Variants in MS4A10 observed in about 807,000 individuals in gnomAD.
The protein encoded by MS4A10 is membrane spanning 4-domains A10, also known as membrane-spanning 4-domains subfamily A member 10.
A neutral mutation model predicts 27.7 loss-of-function variants in MS4A10; 27 were observed. The ratio of observed to expected loss-of-function variants is 0.98; its 90% CI spans 0.72 to 1.35. The LOEUF is 1.35. MS4A10 is among the 40% of genes most tolerant of loss of function. MS4A10 has a pLI of 0.00. For missense variants in MS4A10, 338 were observed against 324.7 expected (o/e 1.04, Z -0.32); for synonymous variants, 139 against 131.2 (o/e 1.06, Z -0.41).
chr11:60,786,545 A>G (rs890406235), intron 1 of MS4A10, among the ~76,000 whole-genome samples: 1 of 151,884 alleles, frequency 6.6e-6, no homozygotes, highest in Admixed American at 6.6e-5. Flanking sequence ...ACTCCAGATG[A>G]TAGGGACAGG....
chr11:60,785,713 C>A (rs1854323945), intron 1 of MS4A10, among the ~76,000 whole-genome samples: 1 of 152,134 alleles, frequency 6.6e-6, no homozygotes, highest in Non-Finnish European at 1.5e-5. Context: ...CTCTCCCCTG[C>A]GGAGCCCCAT....
At chr11:60,790,781 A>T (rs10897114) in intron 2 of MS4A10, among the ~76,000 whole-genome samples, 193 bp from the exon 3 acceptor site, 15,959 of 152,154 alleles carry the variant, frequency 0.1, 2,086 homozygotes, top group East Asian at 0.68. Context: ...GCTCCCACCC[A>T]TGGGGCCCTT....
chr11:60,787,777 G>A (rs1002755652), intron 1 of MS4A10, among the ~76,000 whole-genome samples: 7 of 152,076 alleles, frequency 4.6e-5, no homozygotes, highest in Admixed American at 2.0e-4. Context: ...TAGCACTTTC[G>A]GAGGCCAAGG....
intron 1 of MS4A10, among the ~76,000 whole-genome samples, chr11:60,787,191 C>T (rs753343083): frequency 2.1e-5 from 3 of 142,674 alleles, no homozygotes; most frequent in East Asian, 2.4e-4. Context: ...TGGCTGGGTC[C>T]GTGGTCCTGA....
chr11:60,795,600 C>G lies in MS4A10; in HGVS notation c.538C>G (p.Leu180Val). 1 of 1,595,560 alleles carries G rather than the reference C, an allele frequency of 6.3e-7. No homozygotes were observed. The highest frequency in any genetic ancestry group is 8.5e-7 in the Non-Finnish European group (1 of 1,170,706). The change falls in exon 6 of 8, where the codon CTA becomes GTA. Residue 180 changes from leucine (L) to valine (V), a missense_variant. Physicochemically the swap from Leu to Val is conservative, Grantham distance 32. Transcript: ENST00000308287. Reference sequence around the variant, plus strand: ...GCTGGCCTTGCTCTGCTTCACTGTCCTAGAGCTCTTCCTGCCAGTGCCCAC... The same window carrying G: ...GCTGGCCTTGCTCTGCTTCACTGTCGTAGAGCTCTTCCTGCCAGTGCCCAC... ...LELALLCFTV[L>V]ELFLPVPTAV...
In MS4A10 at chr11:60,792,255, T is replaced by C; in HGVS notation, c.304-10T>C. The C allele has an allele frequency of 6.2e-7, 1 of 1,612,900 alleles. No homozygotes were observed. The highest frequency in any genetic ancestry group is 8.5e-7 in the Non-Finnish European group (1 of 1,178,886). On this transcript the variant is annotated splice_polypyrimidine_tract_variant and intron_variant, in intron 3 of 7. Transcript: ENST00000308287. ...GCTTCTCTCCTTTGACTTTCAAATC[T>C]GTCCTGCAGTTTCTCATTTCAGGGA...
At chr11:60,798,149 C>G (rs564726982) in intron 6 of MS4A10, among the ~76,000 whole-genome samples, 1 of 152,230 alleles carries the variant, frequency 6.6e-6, no homozygotes, top group Non-Finnish European at 1.5e-5. Context: ...ACACTGGTAG[C>G]GGGACGGGAA....
intron 2 of MS4A10, 74 bp from the exon 3 acceptor site, chr11:60,790,900 C>A: frequency 6.3e-7 from 1 of 1,587,552 alleles, no homozygotes; most frequent in South Asian, 1.2e-5. Flanking sequence ...GCCAGTAGGT[C>A]CAGGGCACTA....
chr11:60,786,830 T>G (rs552060385), intron 1 of MS4A10, among the ~76,000 whole-genome samples: 1 of 152,310 alleles, frequency 6.6e-6, no homozygotes, highest in South Asian at 2.1e-4. Context: ...TTTCAGCTAC[T>G]CCTCACCACC....
At chr11:60,796,959 CA>C (rs2134756773) in intron 6 of MS4A10, among the ~76,000 whole-genome samples, 1 of 152,132 alleles carries the variant, frequency 6.6e-6, no homozygotes, top group East Asian at 1.9e-4. Context: ...AAAAAAGTGC[CA>C]AATCCCCCAT....
chr11:60,800,020 T>C lies in MS4A10; in HGVS notation c.*111T>C. On this transcript the variant is annotated 3_prime_UTR_variant, in exon 8 of 8. Transcript: ENST00000308287. ...TTGCACATACAAAAGGCTAGAGCGATGGTCTATACAGCAAAGTCAGCCCTC... is the reference window on the plus strand; with the variant it reads ...TTGCACATACAAAAGGCTAGAGCGACGGTCTATACAGCAAAGTCAGCCCTC... 2 of 1,549,728 alleles carry C rather than the reference T, an allele frequency of 1.3e-6. No individual in the cohort carries two copies. The highest frequency in any genetic ancestry group is 2.3e-5 in the East Asian group (1 of 44,026).
Position 60,795,620 on chromosome 11 carries a change from G to A in MS4A10, c.558G>A (p.Val186=). 1 of 1,595,270 alleles carries A rather than the reference G, an allele frequency of 6.3e-7. No individual in the cohort carries two copies. The highest frequency in any genetic ancestry group is 8.5e-7 in the Non-Finnish European group (1 of 1,170,648). ...CTGTCCTAGAGCTCTTCCTGCCAGT[G>A]CCCACAGCTGTCACAGCCTGGAGAG... ...CFTVLELFLP[V]PTAVTAWRGD... Residue 186 remains valine (V), a synonymous_variant, in exon 6 of 8, where the codon GTG becomes GTA. Transcript: ENST00000308287.
intron 3 of MS4A10, 66 bp downstream of exon 3, chr11:60,791,159 A>ATT: frequency 6.3e-7 from 1 of 1,595,708 alleles, no homozygotes; most frequent in African/African-American, 1.3e-5. Context: ...AGGCCCTGGC[A>ATT]TTTGGGACAG....
chr11:60,795,794 G>A (rs958597846), intron 6 of MS4A10, 129 bp downstream of exon 6: 16 of 530,904 alleles, frequency 3.0e-5, no homozygotes, highest in Admixed American at 2.6e-4. Flanking sequence ...GTTGCTGAGC[G>A]TTCACTAAGT....
intron 4 of MS4A10, among the ~76,000 whole-genome samples, chr11:60,793,264 C>T (rs1478174686): frequency 6.6e-6 from 1 of 152,298 alleles, no homozygotes; most frequent in East Asian, 1.9e-4. Flanking sequence ...GTGCCCATTC[C>T]CCAGACCTCA....
chr11:60,786,846 C>A (rs958473660), intron 1 of MS4A10, among the ~76,000 whole-genome samples: 2 of 152,184 alleles, frequency 1.3e-5, no homozygotes, highest in East Asian at 3.9e-4. Flanking sequence ...CCACCTACCC[C>A]CTAGGGACAG....
chr11:60,787,671 C>T (rs1854362734), intron 1 of MS4A10, among the ~76,000 whole-genome samples: 1 of 152,110 alleles, frequency 6.6e-6, no homozygotes, highest in East Asian at 1.9e-4. Flanking sequence ...TGCCCAAAAG[C>T]AGACCCCACA....
At chr11:60,788,905 C>T (rs141152149) in intron 1 of MS4A10, among the ~76,000 whole-genome samples, 8 of 152,266 alleles carry the variant, frequency 5.3e-5, no homozygotes, top group South Asian at 4.1e-4. Flanking sequence ...CCTTGGTTTC[C>T]TCTTCTATGC....
At chr11:60,787,897 A>G (rs1250704657) in intron 1 of MS4A10, among the ~76,000 whole-genome samples, 1 of 152,022 alleles carries the variant, frequency 6.6e-6, no homozygotes, top group Non-Finnish European at 1.5e-5. Flanking sequence ...GGTGCCTGTA[A>G]TCCCAGTTAC....
Sources: allele counts gnomAD v4.1 joint callset (sites outside exome capture counted in the v4.1 genomes callset), GRCh38; gene constraint gnomAD v4.1.1; transcripts MANE v1.5; gene names NCBI Gene and HGNC (gene_info 2026-07-23, HGNC 2026-07-21).